Variants in LRBA observed in about 807,000 individuals in gnomAD.
LRBA encodes the protein LPS responsive beige-like anchor protein.
LRBA carries 176 observed loss-of-function variants against 330.0 expected under a neutral mutation model. That is an observed-to-expected ratio of 0.53 (90% CI 0.47 to 0.60). The LOEUF is 0.60. Ranked by LOEUF, LRBA falls within the 20% of genes least tolerant of loss-of-function variation. LRBA has a pLI of 0.00. For missense variants in LRBA, 3,259 were observed against 3,444.8 expected (o/e 0.95, Z 1.35); for synonymous variants, 1,230 against 1,193.0 (o/e 1.03, Z -0.64).
chr4:150,708,226 A>C (rs536583364), intron 36 of LRBA, among the ~76,000 whole-genome samples: 2 of 151,996 alleles, frequency 1.3e-5, no homozygotes, highest in South Asian at 4.1e-4. Context: ...CTCCTGCTAC[A>C]ATAACTTACT....
intron 47 of LRBA, among the ~76,000 whole-genome samples, chr4:150,383,232 T>G (rs1742549381): frequency 6.6e-6 from 1 of 152,106 alleles, no homozygotes; most frequent in South Asian, 2.1e-4. Context: ...AAAATATAAT[T>G]ATCAGTTTTT....
intron 37 of LRBA, among the ~76,000 whole-genome samples, chr4:150,630,203 T>G (rs1325292779): frequency 6.6e-6 from 1 of 152,210 alleles, no homozygotes; most frequent in Non-Finnish European, 1.5e-5. Flanking sequence ...TCATGCCTAG[T>G]CTACTGTTAT....
intron 49 of LRBA, among the ~76,000 whole-genome samples, chr4:150,325,249 G>A (rs1217984237): frequency 1.3e-5 from 2 of 152,086 alleles, no homozygotes; most frequent in Non-Finnish European, 1.5e-5. Context: ...GGTGAAAAGA[G>A]CAGAAAAGAT....
chr4:150,435,735 A>G (rs377274519), intron 45 of LRBA, 27 bp from the exon 46 acceptor site: 8 of 1,583,210 alleles, frequency 5.1e-6, no homozygotes, highest in African/African-American at 1.4e-5. Context: ...AAAAAAATCC[A>G]TATGTTCCCT....
At chr4:150,572,448 A>G (rs1769991791) in intron 40 of LRBA, among the ~76,000 whole-genome samples, 1 of 152,104 alleles carries the variant, frequency 6.6e-6, no homozygotes, top group Admixed American at 6.6e-5. Flanking sequence ...TAAAAGCAAA[A>G]CTGTACCATA....
chr4:150,817,628 A>G (rs1013542580), intron 30 of LRBA, among the ~76,000 whole-genome samples: 2 of 151,890 alleles, frequency 1.3e-5, no homozygotes, highest in African/African-American at 2.4e-5. Flanking sequence ...ATAAAACCTT[A>G]GAAATCTTAT....
intron 47 of LRBA, among the ~76,000 whole-genome samples, chr4:150,372,891 G>A (rs1249754641): frequency 2.0e-5 from 3 of 151,344 alleles, no homozygotes; most frequent in Non-Finnish European, 4.4e-5. Context: ...GTGGGAGTTC[G>A]AAGACTAGTC....
rs769649448 is a variant in LRBA, at chr4:150,435,618, T to G, written c.7012A>C (p.Asn2338His). 3 of 1,613,066 alleles carry G rather than the reference T, an allele frequency of 1.9e-6. No individual in the cohort carries two copies. The highest frequency in any genetic ancestry group is 2.5e-6 in the Non-Finnish European group (3 of 1,179,666). Reference protein sequence around the residue: ...TFSSISRAWRNSQRDTSDIKE... With the variant: ...TFSSISRAWRHSQRDTSDIKE... Reference sequence around the variant, plus strand: ...ATATCAGAGGTATCACGCTGACTGTTTCGCCAAGCTCTGGAAATTGATGAA... The same window carrying G: ...ATATCAGAGGTATCACGCTGACTGTGTCGCCAAGCTCTGGAAATTGATGAA... Residue 2338 changes from asparagine (N) to histidine (H), a missense_variant, in exon 46 of 57, where the codon AAC (asparagine) becomes CAC (histidine). Asn to His is a moderately conservative substitution (Grantham distance 68). Coordinates refer to ENST00000651943, the MANE Select transcript of LRBA (RefSeq NM_001364905.1).
chr4:150,607,830 T>C (rs1581800334), intron 37 of LRBA, among the ~76,000 whole-genome samples: 1 of 151,274 alleles, frequency 6.6e-6, no homozygotes, highest in East Asian at 1.9e-4. Context: ...AGGTCAGGAG[T>C]TTGAGACCAG....
At chr4:150,584,989 C>A (rs971205984) in intron 40 of LRBA, among the ~76,000 whole-genome samples, 1 of 152,028 alleles carries the variant, frequency 6.6e-6, no homozygotes, top group African/African-American at 2.4e-5. Flanking sequence ...ATATTTTGAT[C>A]CTAATTTTTA....
At chr4:150,643,129 T>A (rs895934908) in intron 37 of LRBA, among the ~76,000 whole-genome samples, 2 of 151,812 alleles carry the variant, frequency 1.3e-5, no homozygotes, top group African/African-American at 4.8e-5. Flanking sequence ...GCACAAGTAG[T>A]CCAATTCCAG....
At chr4:150,865,340 C>T (rs567905721) in intron 22 of LRBA, among the ~76,000 whole-genome samples, 22 of 152,238 alleles carry the variant, frequency 1.4e-4, no homozygotes, top group Admixed American at 1.2e-3. Context: ...ATTTTAGGGG[C>T]CATGTCGTTG....
At chr4:150,610,758 T>C (rs1775174829) in intron 37 of LRBA, among the ~76,000 whole-genome samples, 1 of 152,174 alleles carries the variant, frequency 6.6e-6, no homozygotes. Flanking sequence ...ATGATCTTTC[T>C]GGACTTTAAT....
At chr4:150,284,856 T>C (rs6816533) in intron 54 of LRBA, among the ~76,000 whole-genome samples, 7,654 of 152,242 alleles carry the variant, frequency 0.05, 646 homozygotes, top group African/African-American at 0.17. Context: ...CATGGAACAA[T>C]TGTAAAATTT....
chr4:150,537,237 T>TA (rs1764756916), intron 40 of LRBA, among the ~76,000 whole-genome samples: 1 of 152,202 alleles, frequency 6.6e-6, no homozygotes, highest in Non-Finnish European at 1.5e-5. Flanking sequence ...AAGGACTGCC[T>TA]ATTTAATAAA....
intron 40 of LRBA, chr4:150,584,149 GC>G (rs1217058160): frequency 3.3e-6 from 5 of 1,501,448 alleles, no homozygotes; most frequent in Non-Finnish European, 3.6e-6. Context: ...AAACGGGCGT[GC>G]TCTCTCAGAC....
Position 150,844,183 on chromosome 4 carries a change from C to T in LRBA, c.4486G>A (p.Gly1496Ser), listed in dbSNP as rs765227496. Reference protein sequence around the residue: ...AKSPVDIVTGGISPVRDLDRL... With the variant: ...AKSPVDIVTGSISPVRDLDRL... ...TCAAGATCTCTTACTGGAGATATAC[C>T]GCCAGTCACAATGTCCACTGGGCTC... The change falls in exon 28 of 57, where the codon GGT becomes AGT. Residue 1496 changes from glycine to serine, a missense_variant. Transcript: ENST00000651943. 3.8e-5 allele frequency: 61 copies of T among 1,606,844 alleles called. No individual in the cohort carries two copies. In the South Asian group the frequency reaches 4.1e-4, roughly 11 times the overall value.
intron 37 of LRBA, among the ~76,000 whole-genome samples, chr4:150,641,958 A>G (rs1778719952): frequency 6.6e-6 from 1 of 152,078 alleles, no homozygotes; most frequent in Non-Finnish European, 1.5e-5. Flanking sequence ...TTTGCTATCT[A>G]AACTTTATTT....
At chr4:150,954,869 A>G (rs1356686173) in intron 2 of LRBA, among the ~76,000 whole-genome samples, 1 of 146,614 alleles carries the variant, frequency 6.8e-6, no homozygotes, top group Non-Finnish European at 1.5e-5. Context: ...ATATCATTTG[A>G]CCATAAGGGA....
Sources: gnomAD v4.1 joint callset for allele counts (sites outside exome capture counted in the v4.1 genomes callset) on GRCh38, gnomAD v4.1.1 for gene constraint, MANE v1.5 for transcripts, NCBI Gene and HGNC (gene_info 2026-07-23, HGNC 2026-07-21) for gene names.